CLVS1: variants seen among roughly 807,000 people sequenced by gnomAD.
CLVS1 encodes clavesin-1.
Under a neutral mutation model 33.1 loss-of-function variants are expected in CLVS1, and 10 were observed. The observed-to-expected ratio is 0.30, with a 90% CI of 0.19 to 0.51. The LOEUF is 0.51. Ranked by LOEUF, CLVS1 falls within the 20% of genes least tolerant of loss-of-function variation. The pLI, the probability that CLVS1 is intolerant of heterozygous loss-of-function variation, is 0.97. For synonymous variants in CLVS1, 163 were observed against 166.1 expected (o/e 0.98, Z 0.14); for missense variants, 343 against 433.4 (o/e 0.79, Z 1.85).
the CLVS1 span, among the ~76,000 whole-genome samples, chr8:61,024,715 G>A: frequency 6.6e-6 from 1 of 152,158 alleles, no homozygotes; most frequent in Non-Finnish European, 1.5e-5. Context: ...GAGGACTGTG[G>A]TGATAAGTCC....
At chr8:61,234,963 T>G (rs1316855333) in intron 2 of CLVS1, among the ~76,000 whole-genome samples, 1 of 152,188 alleles carries the variant, frequency 6.6e-6, no homozygotes, top group Non-Finnish European at 1.5e-5. Context: ...CATACAGTTC[T>G]AGGCAACTTT....
At chr8:61,098,768 T>C (rs1805397644) in intron 1 of CLVS1, among the ~76,000 whole-genome samples, 1 of 152,178 alleles carries the variant, frequency 6.6e-6, no homozygotes, top group African/African-American at 2.4e-5. Context: ...TCTGCCTCTC[T>C]GAACCTTCCT....
At chr8:61,240,179 A>G (rs1243721713) in intron 2 of CLVS1, among the ~76,000 whole-genome samples, 1 of 152,218 alleles carries the variant, frequency 6.6e-6, no homozygotes. Context: ...TTTTCTGCTT[A>G]AACTCTCCAC....
At chr8:61,316,375 T>C (rs150071776) in intron 2 of CLVS1, among the ~76,000 whole-genome samples, 54 of 152,334 alleles carry the variant, frequency 3.5e-4, no homozygotes, top group African/African-American at 1.3e-3. Context: ...GATACCCAGC[T>C]TCTATCAGAT....
the CLVS1 span, among the ~76,000 whole-genome samples, chr8:61,001,705 CT>C: frequency 6.6e-6 from 1 of 152,230 alleles, no homozygotes; most frequent in Non-Finnish European, 1.5e-5. Context: ...ATCCTAATTC[CT>C]TTGCAGCTTT....
the CLVS1 span, among the ~76,000 whole-genome samples, chr8:60,992,016 G>A: frequency 6.6e-6 from 1 of 152,256 alleles, no homozygotes; most frequent in South Asian, 2.1e-4. Context: ...CCAAGGTGCT[G>A]GGATTACAGG....
At chr8:61,087,150 G>A (rs1805141383) in intron 1 of CLVS1, among the ~76,000 whole-genome samples, 2 of 152,224 alleles carry the variant, frequency 1.3e-5, no homozygotes, top group Non-Finnish European at 2.9e-5. Context: ...CAGGACAAGA[G>A]AGAATGAAGT....
At chr8:61,349,445 A>T (rs1156594553) in intron 2 of CLVS1, among the ~76,000 whole-genome samples, 2 of 152,096 alleles carry the variant, frequency 1.3e-5, no homozygotes, top group African/African-American at 2.4e-5. Context: ...GAGGGAAAAG[A>T]GGGTCAAGGA....
Position 61,447,014 on chromosome 8 carries a change from T to A in CLVS1, c.631-7127T>A, listed in dbSNP as rs145647896. 2.0e-5 allele frequency among the ~76,000 whole-genome samples: 3 copies of A among 152,226 alleles called. No homozygotes were observed. The East Asian group carries it at 5.8e-4, about 29-fold the overall frequency. On this transcript the variant is annotated intron_variant, in intron 3 of 5. Transcript: ENST00000325897. ...TGTTTTATGACTTAGGTATTGTTTA[T>A]CTTTGTGTATGTTCTATGTGCACTT...
chr8:61,422,282 C>T (rs894115958), intron 3 of CLVS1, among the ~76,000 whole-genome samples: 3 of 152,142 alleles, frequency 2.0e-5, no homozygotes, highest in African/African-American at 4.8e-5. Context: ...GCTAACATAA[C>T]GTGAACTCAG....
At chr8:61,345,997 C>T (rs368585980) in intron 2 of CLVS1, among the ~76,000 whole-genome samples, 2 of 152,096 alleles carry the variant, frequency 1.3e-5, no homozygotes, top group East Asian at 3.9e-4. Flanking sequence ...ATTGTTTATT[C>T]GAGAGAGTGC....
chr8:61,482,427 G>A (rs959875510), intron 5 of CLVS1, among the ~76,000 whole-genome samples: 10 of 152,168 alleles, frequency 6.6e-5, no homozygotes, highest in East Asian at 1.9e-4. Context: ...GAGGATGTTC[G>A]AACCCATTGC....
At chr8:61,492,189 C>T (rs139866743) in intron 5 of CLVS1, among the ~76,000 whole-genome samples, 9 of 152,272 alleles carry the variant, frequency 5.9e-5, no homozygotes, top group African/African-American at 2.2e-4. Flanking sequence ...ACGTGAGTCA[C>T]ATATGTAATT....
chr8:61,257,942 G>T (rs537596887), intron 2 of CLVS1, among the ~76,000 whole-genome samples: 1 of 152,152 alleles, frequency 6.6e-6, no homozygotes, highest in East Asian at 1.9e-4. Flanking sequence ...TAATGTCAAT[G>T]GTGGTGGTGA....
the CLVS1 span, among the ~76,000 whole-genome samples, chr8:61,035,227 C>A: frequency 8.6e-6 from 1 of 116,252 alleles, no homozygotes; most frequent in Non-Finnish European, 1.8e-5. Flanking sequence ...TAGTTTTCTA[C>A]CCTGACCTCA....
At chr8:61,358,418 A>G (rs768752990) in intron 2 of CLVS1, among the ~76,000 whole-genome samples, 6 of 152,186 alleles carry the variant, frequency 3.9e-5, no homozygotes, top group Non-Finnish European at 5.9e-5. Flanking sequence ...ATCTTTCCAA[A>G]GTCTATCTGC....
chr8:61,172,306 T>C (rs949793123), intron 2 of CLVS1, among the ~76,000 whole-genome samples: 2 of 146,170 alleles, frequency 1.4e-5, no homozygotes, highest in Non-Finnish European at 3.0e-5. Flanking sequence ...AAGACTTTAT[T>C]TGGGGGAAAG....
intron 3 of CLVS1, among the ~76,000 whole-genome samples, chr8:61,427,655 A>C (rs1441453116): frequency 6.6e-6 from 1 of 152,186 alleles, no homozygotes; most frequent in Non-Finnish European, 1.5e-5. Flanking sequence ...CTGAATCCTC[A>C]CAGTCACCTG....
the CLVS1 span, among the ~76,000 whole-genome samples, chr8:61,031,670 G>C: frequency 6.6e-5 from 10 of 152,180 alleles, no homozygotes; most frequent in Non-Finnish European, 1.5e-4. Context: ...AAATTGCAAA[G>C]TTCCTGGCCA....
Sources: allele counts gnomAD v4.1 joint callset (sites outside exome capture counted in the v4.1 genomes callset), GRCh38; gene constraint gnomAD v4.1.1; transcripts MANE v1.5; gene names NCBI Gene and HGNC (gene_info 2026-07-23, HGNC 2026-07-21).